The following ERBB4 variants were observed in gnomAD, a reference collection of about 807,000 sequenced individuals.
ERBB4 encodes receptor tyrosine-protein kinase erbB-4.
Under a neutral mutation model 158.0 loss-of-function variants are expected in ERBB4, and 42 were observed. The observed-to-expected ratio is 0.27, with a 90% CI of 0.21 to 0.34. The LOEUF (loss-of-function observed/expected upper bound fraction) is 0.34. ERBB4 is among the 10% of genes least tolerant of loss of function. The pLI, the probability that ERBB4 is intolerant of heterozygous loss-of-function variation, is 1.00. For synonymous variants in ERBB4, 583 were observed against 558.7 expected, an observed-to-expected ratio of 1.04 and a Z score of -0.61; for missense variants, 1,333 against 1,624.1, an observed-to-expected ratio of 0.82 and a Z score of 3.08.
chr2:211,712,164 A>G lies in ERBB4; in HGVS notation c.1010T>C (p.Ile337Thr). The G allele has an allele frequency of 6.2e-7, 1 of 1,613,494 alleles. No homozygotes were observed. Among genetic ancestry groups the G allele is most frequent in the Non-Finnish European group, 8.5e-7 (1 of 1,179,496 alleles). ...TDICPKACDG[I>T]GTGSLMSAQT... is the part of the protein sequence containing the mutation. ...AGCTGACATCAATGATCCTGTGCCA[A>G]TGCCATCACAAGCTGTAGAAACAAG... Residue 337 changes from isoleucine to threonine, a missense_variant, in exon 9 of 28, where the codon ATT (isoleucine) becomes ACT (threonine). Around this residue, in one of 5 missense-constraint regions of ERBB4, gnomAD observed 438 missense variants for 586.9 expected, o/e 0.75. Transcript: ENST00000342788.
intron 2 of ERBB4, among the ~76,000 whole-genome samples, chr2:212,093,934 G>T (rs1405664685): frequency 6.6e-6 from 1 of 151,972 alleles, no homozygotes; most frequent in Non-Finnish European, 1.5e-5. Context: ...TGAATAGTAA[G>T]ATAACCTTTC....
chr2:212,475,280 T>C (rs560903769), intron 1 of ERBB4, among the ~76,000 whole-genome samples: 2 of 152,264 alleles, frequency 1.3e-5, no homozygotes, highest in Non-Finnish European at 2.9e-5. Flanking sequence ...TGCTCTGCAG[T>C]CATCATGAAT....
chr2:211,457,485 G>T lies in ERBB4; in HGVS notation c.2488-26385C>A, dbSNP rs975662160. On this transcript the variant is annotated intron_variant, in intron 20 of 27. Coordinates refer to ENST00000342788, the MANE Select transcript of ERBB4 (RefSeq NM_005235.3). ...ACTCTCATTGAGGAATAGCACAAAA[G>T]CTCCAACTGCCACTTATCCTAGAGA... 5.1e-4 allele frequency among the ~76,000 whole-genome samples: 78 copies of T among 152,120 alleles called. 2 individuals carry two copies. Among genetic ancestry groups the T allele is most frequent in the Non-Finnish European group, 1.9e-4 (13 of 68,020 alleles).
chr2:212,537,844 TC>T, intron 1 of ERBB4, among the ~76,000 whole-genome samples: 1 of 150,028 alleles, frequency 6.7e-6, no homozygotes, highest in African/African-American at 2.5e-5. Context: ...GGCCCAGAAC[TC>T]CGGGCCCCGG....
intron 1 of ERBB4, among the ~76,000 whole-genome samples, chr2:212,226,324 G>C (rs1355916791): frequency 6.6e-6 from 1 of 151,754 alleles, no homozygotes; most frequent in East Asian, 2.0e-4. Context: ...TGATATCTCA[G>C]TTTCAGTTTT....
chr2:211,694,167 G>T (rs182174756), intron 12 of ERBB4, among the ~76,000 whole-genome samples: 4 of 152,240 alleles, frequency 2.6e-5, no homozygotes. Context: ...CAGGGGTCAG[G>T]ACTTCAGCAT....
At chr2:211,645,733 G>A (rs540882904) in intron 16 of ERBB4, among the ~76,000 whole-genome samples, 1 of 151,738 alleles carries the variant, frequency 6.6e-6, no homozygotes, top group South Asian at 2.1e-4. Flanking sequence ...ATAATGATCT[G>A]TTACAAATTT....
chr2:211,899,063 CAT>C (rs774310126), intron 3 of ERBB4, among the ~76,000 whole-genome samples: 6 of 152,092 alleles, frequency 3.9e-5, no homozygotes, highest in African/African-American at 7.2e-5. Flanking sequence ...TAAATTAACA[CAT>C]GAGTCAATTT....
At chr2:212,132,688 C>G (rs1033142383) in intron 1 of ERBB4, among the ~76,000 whole-genome samples, 3 of 152,052 alleles carry the variant, frequency 2.0e-5, no homozygotes, top group African/African-American at 7.2e-5. Flanking sequence ...TTTTGGGTCT[C>G]TAGCTTGCAG....
At chr2:211,667,656 A>G (rs917205820) in intron 14 of ERBB4, among the ~76,000 whole-genome samples, 2 of 152,212 alleles carry the variant, frequency 1.3e-5, no homozygotes, top group African/African-American at 4.8e-5. Flanking sequence ...ACAAGACAAG[A>G]GACATGCTGA....
chr2:211,406,163 G>A (rs1009386224), intron 25 of ERBB4, among the ~76,000 whole-genome samples: 1 of 152,082 alleles, frequency 6.6e-6, no homozygotes, highest in Admixed American at 6.6e-5. Flanking sequence ...ATCCCTTAAC[G>A]TATTCTCTTT....
At chr2:211,709,274 T>TATACACATATATATATATATAC (rs1553615210) in intron 9 of ERBB4, among the ~76,000 whole-genome samples, 1 of 136,558 alleles carries the variant, frequency 7.3e-6, no homozygotes, top group African/African-American at 2.9e-5. Flanking sequence ...TATATATATA[T>TATACACATATATATATATATAC]ACATACATAT....
rs553074510 is a variant in ERBB4 at position 212,244,291 on chromosome 2, C to T, written c.83-119388G>A. ...AGTCCATCCTTTTTACCCCTGACTT[C>T]CAAAGGCAACACGGAGGAAGTCTAG... On this transcript the variant is annotated intron_variant, in intron 1 of 27. Transcript: ENST00000342788. 1.8e-4 allele frequency among the ~76,000 whole-genome samples: 27 copies of T among 152,220 alleles called. No homozygotes were observed. The South Asian group carries it at 5.4e-3, about 30-fold the overall frequency.
chr2:211,971,790 G>C (rs1250588048), intron 2 of ERBB4, among the ~76,000 whole-genome samples: 1 of 151,966 alleles, frequency 6.6e-6, no homozygotes, highest in Non-Finnish European at 1.5e-5. Context: ...CAGAACTAAA[G>C]GCAAAAATTA....
chr2:212,382,059 C>T (rs933425637), intron 1 of ERBB4, among the ~76,000 whole-genome samples: 1 of 150,812 alleles, frequency 6.6e-6, no homozygotes, highest in Admixed American at 6.7e-5. Context: ...CCTCCCCAGG[C>T]CTACTAAATC....
chr2:211,561,838 A>G (rs2067401916), intron 20 of ERBB4, 65 bp downstream of exon 20: 1 of 1,360,144 alleles, frequency 7.4e-7, no homozygotes, highest in Non-Finnish European at 1.1e-6. Context: ...CAATATGAAA[A>G]CTGTTCCAGG....
At chr2:212,243,538 C>T (rs750729836) in intron 1 of ERBB4, among the ~76,000 whole-genome samples, 1 of 152,160 alleles carries the variant, frequency 6.6e-6, no homozygotes, top group Non-Finnish European at 1.5e-5. Flanking sequence ...GTCCCCACAT[C>T]TACTACAGTT....
intron 1 of ERBB4, among the ~76,000 whole-genome samples, chr2:212,372,781 C>A (rs1456735561): frequency 2.6e-5 from 4 of 151,972 alleles, no homozygotes; most frequent in African/African-American, 9.7e-5. Context: ...AAAACAAAAG[C>A]CTGACCACAT....
intron 2 of ERBB4, among the ~76,000 whole-genome samples, chr2:212,067,869 T>C (rs1319629183): frequency 1.3e-5 from 2 of 151,970 alleles, no homozygotes; most frequent in Non-Finnish European, 2.9e-5. Context: ...ATTCCTAAAA[T>C]GCTAGATGAT....
Sources: gnomAD v4.1 joint callset for allele counts (sites outside exome capture counted in the v4.1 genomes callset) on GRCh38, gnomAD v4.1.1 for gene constraint, gnomAD v4.1.1 regional missense constraint, MANE v1.5 for transcripts, NCBI Gene and HGNC (gene_info 2026-07-23, HGNC 2026-07-21) for gene names.